The following DYM variants were observed in gnomAD, a reference collection of about 807,000 sequenced individuals.
DYM encodes dymeclin.
In DYM, 78 loss-of-function variants were observed where a neutral mutation model predicts 93.1. That is an observed-to-expected ratio of 0.84 (90% CI 0.70 to 1.01). The LOEUF (loss-of-function observed/expected upper bound fraction) is 1.01. DYM is among the 50% of genes least tolerant of loss of function. The pLI, the probability that DYM is intolerant of heterozygous loss-of-function variation, is 0.00. For missense variants in DYM, 789 were observed against 845.0 expected (o/e 0.93, Z 0.82); for synonymous variants, 321 against 319.7 (o/e 1.00, Z -0.04).
At position 49,043,990 on chromosome 18, in the gene DYM, C is replaced by A; in HGVS notation, c.*65G>T. On this transcript the variant is annotated 3_prime_UTR_variant, in exon 18 of 18. Coordinates refer to ENST00000675505, the MANE Select transcript of DYM (RefSeq NM_001353214.3). ...TAACCTGTCTGTCTACTTCTGTTAC[C>A]CAGAAATAAAAGAACTTGAAGGGCT... is the stretch of plus-strand genomic sequence containing the variant. The A allele has an allele frequency of 6.3e-7, 1 of 1,587,374 alleles. No homozygotes were observed. The highest frequency in any genetic ancestry group is 8.6e-7 in the Non-Finnish European group (1 of 1,160,336).
chr18:49,085,002 C>G (rs951665083), intron 17 of DYM, among the ~76,000 whole-genome samples: 4 of 152,150 alleles, frequency 2.6e-5, no homozygotes, highest in East Asian at 1.9e-4. Flanking sequence ...TATGGATACT[C>G]ACTTTCTAAC....
chr18:49,258,272 T>A, intron 12 of DYM, 108 bp downstream of exon 12: 4 of 760,040 alleles, frequency 5.3e-6, no homozygotes, highest in Non-Finnish European at 9.4e-6. Flanking sequence ...CGGTATTTTC[T>A]ACCATATGTC....
chr18:49,255,789 T>C (rs892884035), intron 13 of DYM, among the ~76,000 whole-genome samples: 1 of 151,734 alleles, frequency 6.6e-6, no homozygotes, highest in African/African-American at 2.4e-5. Context: ...ACACTGAACA[T>C]CCTACAGGAA....
intron 15 of DYM, among the ~76,000 whole-genome samples, chr18:49,156,952 C>G (rs925973317): frequency 6.6e-6 from 1 of 151,800 alleles, no homozygotes; most frequent in African/African-American, 2.4e-5. Context: ...CTGGCACATG[C>G]CTGGCATTCA....
intron 5 of DYM, among the ~76,000 whole-genome samples, chr18:49,377,127 T>G (rs2067572941): frequency 6.6e-6 from 1 of 152,236 alleles, no homozygotes; most frequent in African/African-American, 2.4e-5. Flanking sequence ...AAATGTAACA[T>G]AATACCTTAA....
At chr18:49,208,030 A>C (rs897263399) in intron 14 of DYM, among the ~76,000 whole-genome samples, 1 of 151,852 alleles carries the variant, frequency 6.6e-6, no homozygotes, top group African/African-American at 2.4e-5. Flanking sequence ...TAAAAATATA[A>C]AAATTAGCCA....
rs561748680 is a variant in DYM at position 49,337,841 on chromosome 18, A to G, written c.495-3988T>C. On this transcript the variant is annotated intron_variant, in intron 6 of 17. Coordinates refer to ENST00000675505, the MANE Select transcript of DYM (RefSeq NM_001353214.3). ...CACAAAGATGATGATATTTGAGCAG[A>G]CGAAGAACAAGAAGAAGGGGAAGGG... Among the ~76,000 whole-genome samples the G allele has an allele frequency of 9.2e-5, 14 of 152,316 alleles. No homozygotes were observed. In the South Asian group the frequency reaches 1.0e-3, roughly 11 times the overall value.
chr18:49,159,845 GAA>G (rs2086884862), intron 15 of DYM, among the ~76,000 whole-genome samples: 1 of 152,102 alleles, frequency 6.6e-6, no homozygotes, highest in Non-Finnish European at 1.5e-5. Flanking sequence ...AGGAACTAGG[GAA>G]ACAAAGCTTA....
chr18:49,318,676 C>G (rs2062201597), intron 8 of DYM, among the ~76,000 whole-genome samples: 1 of 151,914 alleles, frequency 6.6e-6, no homozygotes, highest in South Asian at 2.1e-4. Flanking sequence ...ATAAGGGTCC[C>G]ACAATTTTTT....
chr18:49,075,685 T>C (rs2077243038), intron 17 of DYM, among the ~76,000 whole-genome samples: 1 of 152,204 alleles, frequency 6.6e-6, no homozygotes, highest in Admixed American at 6.5e-5. Context: ...TGTCAGAATT[T>C]TTCCAACACG....
At chr18:49,179,628 C>A (rs907388422) in intron 14 of DYM, among the ~76,000 whole-genome samples, 5 of 152,032 alleles carry the variant, frequency 3.3e-5, no homozygotes, top group Non-Finnish European at 5.9e-5. Context: ...TATTACACAA[C>A]AAATACAGGA....
Position 49,415,927 on chromosome 18 carries a change from C to CAAAAAAA in DYM, c.140+14321_140+14327dup, listed in dbSNP as rs80304487. On this transcript the variant is annotated intron_variant, in intron 2 of 17. Coordinates refer to ENST00000675505, the MANE Select transcript of DYM (RefSeq NM_001353214.3). Reference sequence around the variant, plus strand: ...GGGCAACAAGAGCGAAACTCTGACTCAAAAAAAAAAAAAAAAGGTAGATTG... The same window carrying CAAAAAAA: ...GGGCAACAAGAGCGAAACTCTGACTCAAAAAAAAAAAAAAAAAAAAAAAGGTAGATTG... Among the ~76,000 whole-genome samples, 129 of 84,452 alleles carry CAAAAAAA rather than the reference C, an allele frequency of 1.5e-3. 1 individual carries two copies. The highest frequency in any genetic ancestry group is 7.4e-3 in the East Asian group (23 of 3,108). The allele number at this position is 84,452 out of a possible 152,430, so 55.4% of individuals were successfully genotyped here. A position where few individuals can be genotyped will look rare whatever the true frequency, so the allele number is the denominator to read the frequency against.
chr18:49,163,758 T>C lies in DYM; in HGVS notation c.1655A>G (p.Asn552Ser), dbSNP rs762156892. 18 of 1,611,748 alleles carry C rather than the reference T, an allele frequency of 1.1e-5. No homozygotes were observed. Among genetic ancestry groups the C allele is most frequent in the African/African-American group, 5.3e-5 (4 of 74,862 alleles). The stretch of plus-strand genomic sequence containing the variant: ...CTGTGTGGCTTGTTCCAGAACTTTG[T>C]TGTGTTTTTTAGACAGCAAAGAAAA... Reference protein sequence around the residue: ...SLFSLLSKKHNKVLEQATQSL... With the variant: ...SLFSLLSKKHSKVLEQATQSL... The change falls in exon 15 of 18, where the codon AAC becomes AGC. Residue 552 changes from asparagine (N) to serine (S), a missense_variant. Coordinates refer to ENST00000675505, the MANE Select transcript of DYM (RefSeq NM_001353214.3).
rs760385986 is a variant in DYM, at chr18:49,331,884, C to G, written c.743G>C (p.Gly248Ala). The G allele has an allele frequency of 6.2e-7, 1 of 1,613,966 alleles. No homozygotes were observed. Among genetic ancestry groups the G allele is most frequent in the African/African-American group, 1.3e-5 (1 of 74,896 alleles). ...QQSDGGGLLY[G>A]LASGVATGLW... Reference sequence around the variant, plus strand: ...CTTACTTGCTACTCCTGATGCAAGTCCATAAAGCAGTCCTCCCCCATCCGA... The same window carrying G: ...CTTACTTGCTACTCCTGATGCAAGTGCATAAAGCAGTCCTCCCCCATCCGA... The change falls in exon 8 of 18, where the codon GGA becomes GCA. Residue 248 changes from glycine (G) to alanine (A), a missense_variant. Transcript: ENST00000675505.
intron 17 of DYM, among the ~76,000 whole-genome samples, chr18:49,056,506 A>T: frequency 6.6e-6 from 1 of 152,120 alleles, no homozygotes; most frequent in Admixed American, 6.6e-5. Context: ...ATAAAAGCCT[A>T]TTCTTTTTCA....
intron 15 of DYM, among the ~76,000 whole-genome samples, chr18:49,129,133 A>G (rs2083133071): frequency 6.6e-6 from 1 of 151,932 alleles, no homozygotes; most frequent in South Asian, 2.1e-4. Flanking sequence ...AAAAAAAAAA[A>G]AGAAAAACAG....
intron 13 of DYM, among the ~76,000 whole-genome samples, chr18:49,243,453 C>G (rs2094083137): frequency 6.6e-6 from 1 of 151,926 alleles, no homozygotes; most frequent in South Asian, 2.1e-4. Context: ...TCACTTGAGG[C>G]CAGGAGTTCG....
At chr18:49,082,032 T>C (rs1046814534) in intron 17 of DYM, among the ~76,000 whole-genome samples, 1 of 152,212 alleles carries the variant, frequency 6.6e-6, no homozygotes, top group Non-Finnish European at 1.5e-5. Flanking sequence ...GCTGCTATGA[T>C]TCAGAGATGT....
intron 1 of DYM, among the ~76,000 whole-genome samples, chr18:49,435,207 CAAAA>C (rs150003482): frequency 2.6e-4 from 23 of 88,754 alleles, no homozygotes; most frequent in African/African-American, 4.9e-4. Context: ...GACTCCATCT[CAAAA>C]AAAAAAAAAA....
Sources: allele counts gnomAD v4.1 joint callset (sites outside exome capture counted in the v4.1 genomes callset), GRCh38; gene constraint gnomAD v4.1.1; transcripts MANE v1.5; gene names NCBI Gene and HGNC (gene_info 2026-07-23, HGNC 2026-07-21).